EPB41: variants seen among roughly 807,000 people sequenced by gnomAD.
EPB41 encodes protein 4.1.
Under a neutral mutation model 108.0 loss-of-function variants are expected in EPB41, and 65 were observed. The observed-to-expected ratio is 0.60, with a 90% CI of 0.49 to 0.74. The LOEUF is 0.74. Among genes scored for constraint, EPB41 ranks in the 30% least tolerant of loss-of-function variants. The pLI, the probability that EPB41 is intolerant of heterozygous loss-of-function variation, is 0.00. For synonymous variants in EPB41, 336 were observed against 358.9 expected, an observed-to-expected ratio of 0.94 and a Z score of 0.72; for missense variants, 875 against 1,037.0, an observed-to-expected ratio of 0.84 and a Z score of 2.15.
At chr1:28,978,445 GAA>G (rs2095659145) in intron 1 of EPB41, among the ~76,000 whole-genome samples, 1 of 151,518 alleles carries the variant, frequency 6.6e-6, no homozygotes, top group Non-Finnish European at 1.5e-5. Context: ...ATGTTAGGCA[GAA>G]CTATTACTTT....
chr1:28,951,182 A>G (rs1459139218), intron 1 of EPB41, among the ~76,000 whole-genome samples: 1 of 152,130 alleles, frequency 6.6e-6, no homozygotes, highest in Non-Finnish European at 1.5e-5. Flanking sequence ...AACCCTCTTC[A>G]ATTTACCAAG....
chr1:28,944,709 G>A (rs2094433756), intron 1 of EPB41, among the ~76,000 whole-genome samples: 1 of 151,526 alleles, frequency 6.6e-6, no homozygotes, highest in African/African-American at 2.4e-5. Flanking sequence ...GCTAATTTTT[G>A]TATTTAGTAG....
intron 11 of EPB41, among the ~76,000 whole-genome samples, chr1:29,047,838 G>GAATGC (rs56731017): frequency 1 from 152,181 of 152,194 alleles, 76,084 homozygotes; most frequent in Middle Eastern, 1. Flanking sequence ...GCCCAGGCTG[G>GAATGC]AATGGCGTGA....
chr1:28,945,093 G>GAA (rs1224949262), intron 1 of EPB41, among the ~76,000 whole-genome samples: 1 of 96,268 alleles, frequency 1.0e-5, no homozygotes, highest in Non-Finnish European at 2.4e-5. Context: ...CTCAAAAAAA[G>GAA]AAAAAAAAAA....
chr1:28,977,764 A>C (rs2095642184), intron 1 of EPB41, among the ~76,000 whole-genome samples: 1 of 152,096 alleles, frequency 6.6e-6, no homozygotes, highest in African/African-American at 2.4e-5. Context: ...AACACGAGGA[A>C]CATGACTGCA....
intron 15 of EPB41, among the ~76,000 whole-genome samples, chr1:29,063,845 A>G (rs1646925349): frequency 6.6e-6 from 1 of 152,232 alleles, no homozygotes; most frequent in Non-Finnish European, 1.5e-5. Flanking sequence ...GACAAAGAAC[A>G]TTTGAGTTTT....
intron 1 of EPB41, among the ~76,000 whole-genome samples, chr1:28,972,024 C>G (rs1252281063): frequency 1.3e-5 from 2 of 152,064 alleles, no homozygotes; most frequent in Non-Finnish European, 2.9e-5. Flanking sequence ...GCTCACCACC[C>G]CATACCCACC....
intron 16 of EPB41, among the ~76,000 whole-genome samples, chr1:29,081,097 T>TA (rs1164923239): frequency 6.6e-6 from 1 of 152,222 alleles, no homozygotes; most frequent in Non-Finnish European, 1.5e-5. Flanking sequence ...GCCCAATAAT[T>TA]AGTTGTCTTT....
At chr1:29,060,843 C>G (rs575241327) in intron 15 of EPB41, among the ~76,000 whole-genome samples, 1 of 152,010 alleles carries the variant, frequency 6.6e-6, no homozygotes, top group Non-Finnish European at 1.5e-5. Flanking sequence ...CAAATTTGCA[C>G]TATTCTTTCA....
intron 10 of EPB41, among the ~76,000 whole-genome samples, chr1:29,037,550 T>A (rs890040441): frequency 1.3e-5 from 2 of 151,938 alleles, no homozygotes; most frequent in Non-Finnish European, 2.9e-5. Flanking sequence ...AGTAATTACT[T>A]GTATTGAAAG....
chr1:28,932,945 G>A (rs141690305), intron 1 of EPB41, among the ~76,000 whole-genome samples: 18 of 152,186 alleles, frequency 1.2e-4, no homozygotes, highest in South Asian at 6.2e-4. Flanking sequence ...ACAAAGACAC[G>A]TATAGACATT....
intron 16 of EPB41, chr1:29,065,957 AC>A (rs1647396796): frequency 7.3e-6 from 1 of 136,596 alleles, no homozygotes; most frequent in African/African-American, 2.8e-5. Context: ...ACAGAGTGAG[AC>A]CCTGTCTCAA....
At chr1:29,061,658 C>T (rs1646601741) in intron 15 of EPB41, among the ~76,000 whole-genome samples, 1 of 138,290 alleles carries the variant, frequency 7.2e-6, no homozygotes, top group Non-Finnish European at 1.5e-5. Context: ...CTGCTTACTG[C>T]ACTCTCAGCC....
intron 1 of EPB41, among the ~76,000 whole-genome samples, chr1:28,979,512 C>T (rs568878598): frequency 4.0e-5 from 6 of 151,608 alleles, no homozygotes; most frequent in Admixed American, 6.6e-5. Context: ...TTGACAAGCT[C>T]GGTGACCTTC....
Position 28,983,920 on chromosome 1 carries a change from C to T in EPB41, c.-7-3511C>T, listed in dbSNP as rs570833071. On this transcript the variant is annotated intron_variant, in intron 1 of 20. Transcript: ENST00000343067. ...CACACATGGCTCCCGTGCTCTTGTCCGGTGTCCAGGAAAAATGAGGTCACA... is the reference window on the plus strand; with the variant it reads ...CACACATGGCTCCCGTGCTCTTGTCTGGTGTCCAGGAAAAATGAGGTCACA... 1.9e-4 allele frequency among the ~76,000 whole-genome samples: 28 copies of T among 150,886 alleles called. No homozygotes were observed. In the East Asian group the frequency reaches 4.5e-3, roughly 24 times the overall value.
At chr1:28,962,091 G>T (rs546585522) in intron 1 of EPB41, among the ~76,000 whole-genome samples, 1 of 150,492 alleles carries the variant, frequency 6.6e-6, no homozygotes, top group Non-Finnish European at 1.5e-5. Context: ...ATGGAGTCTC[G>T]CCCTTGTTGC....
chr1:29,095,377 G>A (rs1230927042), intron 16 of EPB41, among the ~76,000 whole-genome samples: 1 of 152,204 alleles, frequency 6.6e-6, no homozygotes, highest in Non-Finnish European at 1.5e-5. Flanking sequence ...TGTGCTAGAT[G>A]TACTCAACTT....
At chr1:28,904,037 T>C (rs973060481) in intron 1 of EPB41, among the ~76,000 whole-genome samples, 9 of 151,996 alleles carry the variant, frequency 5.9e-5, no homozygotes, top group African/African-American at 2.2e-4. Context: ...CGGCTGATTT[T>C]TGTATTTTCA....
chr1:29,051,097 T>G (rs1644427478), intron 11 of EPB41, among the ~76,000 whole-genome samples: 1 of 111,936 alleles, frequency 8.9e-6, no homozygotes. Context: ...TGTTTTTTTT[T>G]TTTTTTTTTT....
Sources: allele counts gnomAD v4.1 joint callset (sites outside exome capture counted in the v4.1 genomes callset), GRCh38; gene constraint gnomAD v4.1.1; transcripts MANE v1.5; gene names NCBI Gene and HGNC (gene_info 2026-07-23, HGNC 2026-07-21).